CYP4F2: variants seen among roughly 807,000 people sequenced by gnomAD.
CYP4F2 encodes cytochrome P450 4F2.
Under a neutral mutation model 58.9 loss-of-function variants are expected in CYP4F2, and 58 were observed. The observed-to-expected ratio is 0.98, with a 90% CI of 0.80 to 1.23. The LOEUF (loss-of-function observed/expected upper bound fraction) is 1.23. Among genes scored for constraint, CYP4F2 ranks in the 50% most tolerant of loss-of-function variants. The probability of loss-of-function intolerance (pLI) is 0.00; values close to 1 mark genes in which losing one functional copy is unlikely to be tolerated. For missense variants in CYP4F2, 616 were observed against 685.6 expected (o/e 0.90, Z 1.13); for synonymous variants, 287 against 261.1 (o/e 1.10, Z -0.95).
chr19:15,885,848 T>C, intron 9 of CYP4F2, 76 bp downstream of exon 9: 1 of 1,545,672 alleles, frequency 6.5e-7, no homozygotes, highest in Non-Finnish European at 8.7e-7. Flanking sequence ...CAAAAACAGC[T>C]TTTCCTCCCC....
chr19:15,879,061 T>A (rs3093199), intron 12 of CYP4F2, 125 bp from the exon 13 acceptor site: 468,128 of 1,420,656 alleles, frequency 0.33, 74,047 homozygotes, highest in South Asian at 0.39. Context: ...GAAGGGGGTA[T>A]CCGTGCCTGG....
rs2089396985 is a variant in CYP4F2 at position 15,888,574 on chromosome 19, A to G, written c.918+849T>C. Among the ~76,000 whole-genome samples the G allele has an allele frequency of 2.0e-5, 3 of 152,220 alleles. No homozygotes were observed. The East Asian group carries it at 5.8e-4, about 29-fold the overall frequency. Reference sequence around the variant, plus strand: ...GACTTAGAAACACAGACACACAAGTACACATAAACATAGACATAGACACAG... The same window carrying G: ...GACTTAGAAACACAGACACACAAGTGCACATAAACATAGACATAGACACAG... On this transcript the variant is annotated intron_variant, in intron 7 of 12. Transcript: ENST00000221700.
chr19:15,878,424 T>C lies in CYP4F2; in HGVS notation c.*347A>G. On this transcript the variant is annotated 3_prime_UTR_variant, in exon 13 of 13. Transcript: ENST00000221700. ...ACCTTTTGCATCTGACGTCTTTCAT[T>C]CAGTATCATGCATTCAAGGTTCATC... The C allele has an allele frequency of 3.8e-6, 1 of 260,668 alleles. No individual in the cohort carries two copies. Among genetic ancestry groups the C allele is most frequent in the Non-Finnish European group, 7.3e-6 (1 of 136,904 alleles). The allele number at this position is 260,668 out of a possible 1,614,324, so 16.1% of individuals were successfully genotyped here.
intron 9 of CYP4F2, among the ~76,000 whole-genome samples, chr19:15,881,140 T>TA (rs1426017173): frequency 1.3e-5 from 2 of 152,074 alleles, no homozygotes; most frequent in Non-Finnish European, 2.9e-5. Flanking sequence ...AAGGAGGAAA[T>TA]AGGGATCACT....
chr19:15,897,642 T>G, intron 1 of CYP4F2, 30 bp from the exon 2 acceptor site: 1 of 1,610,882 alleles, frequency 6.2e-7, no homozygotes, highest in South Asian at 1.1e-5. Flanking sequence ...GACGGTGAGA[T>G]CCTGAGGCCC....
At position 15,895,490 on chromosome 19, in the gene CYP4F2, C is replaced by T. The variant is rs780736934; in HGVS notation, c.343+16G>A. 2.0e-6 allele frequency: 3 copies of T among 1,486,898 alleles called. No individual in the cohort carries two copies. The Admixed American group carries it at 8.4e-5, about 42-fold the overall frequency. 92.1% of individuals were successfully genotyped at this position (1,486,898 alleles called of 1,614,324 possible). A position where few individuals can be genotyped will look rare whatever the true frequency, so the allele number is the denominator to read the frequency against. On this transcript the variant is annotated intron_variant, in intron 3 of 12. Transcript: ENST00000221700. ...GGCCTCAAATGCACTGCCCCACCAG[C>T]TGTTCCAGATGGTACCTGAGGCGTT...
Position 15,878,934 on chromosome 19 carries a change from T to C in CYP4F2, c.1400A>G (p.Asn467Ser). 6.2e-7 allele frequency: 1 copy of C among 1,613,100 alleles called. No homozygotes were observed. The stretch of plus-strand genomic sequence containing the variant: ...CATCGCGAACGTCTGCCCGATGCAG[T>C]TCCTAGGGGAGGGAGGTGGGAACTC... ...AFIPFSAGPRNCIGQTFAMAE... is the reference protein window; with the variant it reads ...AFIPFSAGPRSCIGQTFAMAE... The change falls in exon 13 of 13, where the codon AAC (asparagine) becomes AGC (serine). Residue 467 changes from asparagine (N) to serine (S), a missense_variant and splice_region_variant. Transcript: ENST00000221700.
In CYP4F2 at chr19:15,878,915, G is replaced by C. The variant is rs763963721; in HGVS notation, c.1419C>G (p.Phe473Leu). ...GGACCACCTTCATCTCCGCCATCGC[G>C]AACGTCTGCCCGATGCAGTTCCTAG... is the stretch of plus-strand genomic sequence containing the variant. ...AGPRNCIGQT[F>L]AMAEMKVVLA... Residue 473 changes from phenylalanine (F) to leucine (L), a missense_variant, in exon 13 of 13, where the codon TTC (phenylalanine) becomes TTG (leucine). By Grantham distance (22) the Phe-to-Leu change is conservative (BLOSUM62 0). Transcript: ENST00000221700. The C allele has an allele frequency of 6.2e-7, 1 of 1,613,884 alleles. No individual in the cohort carries two copies.
intron 5 of CYP4F2, among the ~76,000 whole-genome samples, chr19:15,891,604 G>A (rs1335373068): frequency 1.3e-5 from 2 of 152,142 alleles, no homozygotes; most frequent in East Asian, 3.9e-4. Context: ...CTTTGATTCT[G>A]TGTTGGACTT....
intron 5 of CYP4F2, among the ~76,000 whole-genome samples, chr19:15,891,105 C>T (rs1201967218): frequency 6.6e-6 from 1 of 152,180 alleles, no homozygotes; most frequent in Non-Finnish European, 1.5e-5. Context: ...ATGCAAGACA[C>T]TGATGTCCTT....
intron 9 of CYP4F2, among the ~76,000 whole-genome samples, chr19:15,880,308 T>C (rs1180562137): frequency 6.6e-6 from 1 of 151,848 alleles, no homozygotes; most frequent in Non-Finnish European, 1.5e-5. Context: ...TGAAAGGCAA[T>C]ATTTTGCAAC....
At position 15,891,038 on chromosome 19, in the gene CYP4F2, T is replaced by A. The variant is rs115540722; in HGVS notation, c.526-605A>T. On this transcript the variant is annotated intron_variant, in intron 5 of 12. Transcript: ENST00000221700. ...TAAATTGATTTCAAAAATATCCCTGTTTTGGGGGAGGTAGTCCTTCGTTGA... is the reference window on the plus strand; with the variant it reads ...TAAATTGATTTCAAAAATATCCCTGATTTGGGGGAGGTAGTCCTTCGTTGA... 4.4e-3 allele frequency among the ~76,000 whole-genome samples: 672 copies of A among 152,246 alleles called. 6 individuals carry two copies. Among genetic ancestry groups the A allele is most frequent in the African/African-American group, 0.016 (647 of 41,540 alleles).
At chr19:15,884,611 A>T (rs969732186) in intron 9 of CYP4F2, among the ~76,000 whole-genome samples, 1 of 152,216 alleles carries the variant, frequency 6.6e-6, no homozygotes, top group South Asian at 2.1e-4. Flanking sequence ...ATGTGCATCT[A>T]TTTATGCAGC....
In CYP4F2 at chr19:15,897,452, G is replaced by C. The variant is rs1204235157; in HGVS notation, c.160C>G (p.Pro54Ala). ...NCRRLRCFPQ[P>A]PRRNWFWGHQ... ...CCCCAAAACCAGTTCCGTCTTGGGG[G>C]TTGTGGGAAACACCGAAGGCGGCGG... Residue 54 changes from proline (P) to alanine (A), a missense_variant, in exon 2 of 13, where the codon CCC becomes GCC. Pro to Ala is a conservative substitution (Grantham distance 27, BLOSUM62 -1). Transcript: ENST00000221700. 6.2e-7 allele frequency: 1 copy of C among 1,613,866 alleles called. No individual in the cohort carries two copies. Among genetic ancestry groups the C allele is most frequent in the African/African-American group, 1.3e-5 (1 of 74,888 alleles).
At position 15,879,830 on chromosome 19, in the gene CYP4F2, C is replaced by T. The variant is rs1356765838; in HGVS notation, c.1183G>A (p.Val395Ile). The T allele has an allele frequency of 1.2e-6, 2 of 1,613,980 alleles. No homozygotes were observed. The highest frequency in any genetic ancestry group is 1.7e-6 in the Non-Finnish European group (2 of 1,180,028). The change falls in exon 10 of 13, where the codon GTC becomes ATC. Residue 395 changes from valine (V) to isoleucine (I), a missense_variant. By Grantham distance (29) the Val-to-Ile change is conservative (BLOSUM62 3). Transcript: ENST00000221700. ...GTGACATGGCGGGAGATGACCGGGA[C>T]TGGGGGATGCAGCCGCAGGCTCTCC... The part of the protein sequence containing the change: ...MKESLRLHPP[V>I]PVISRHVTQD...
rs913946359 is a variant in CYP4F2, at chr19:15,890,493, A to G, written c.526-60T>C. The G allele has an allele frequency of 2.5e-6, 4 of 1,596,830 alleles. No individual in the cohort carries two copies. The Admixed American group carries it at 5.3e-5, about 21-fold the overall frequency. On this transcript the variant is annotated intron_variant, in intron 5 of 12. Coordinates refer to ENST00000221700, the MANE Select transcript of CYP4F2 (RefSeq NM_001082.5). The stretch of plus-strand genomic sequence containing the variant: ...CCTTGCTCCCTTGAGCACCTCTCCA[A>G]CCCCAACTGCCAAGATGGGCTCCCC...
At position 15,881,864 on chromosome 19, in the gene CYP4F2, T is replaced by G. The variant is rs3093191; in HGVS notation, c.1116-1967A>C. Among the ~76,000 whole-genome samples, 405 of 151,608 alleles carry G rather than the reference T, an allele frequency of 2.7e-3. 3 individuals carry two copies. The highest frequency in any genetic ancestry group is 9.3e-3 in the African/African-American group (383 of 41,338). On this transcript the variant is annotated intron_variant, in intron 9 of 12. Coordinates refer to ENST00000221700, the MANE Select transcript of CYP4F2 (RefSeq NM_001082.5). ...ACAACATGAAAGAACCTGGAGGAAC[T>G]TATGCTAAGTGAAGTAAGCTAGGCT...
intron 3 of CYP4F2, among the ~76,000 whole-genome samples, chr19:15,894,437 G>T (rs2089436607): frequency 6.6e-6 from 1 of 152,084 alleles, no homozygotes. Flanking sequence ...CTGAGCTTCT[G>T]GGACTCATCG....
Position 15,898,012 on chromosome 19 carries a change from C to G in CYP4F2, c.-2+14G>C, listed in dbSNP as rs3093095. 2.5e-5 allele frequency: 6 copies of G among 235,786 alleles called. No individual in the cohort carries two copies. Among genetic ancestry groups the G allele is most frequent in the Non-Finnish European group, 4.9e-5 (6 of 121,326 alleles). The allele number at this position is 235,786 out of a possible 1,614,324, so 14.6% of individuals were successfully genotyped here. On this transcript the variant is annotated intron_variant, in intron 1 of 12. Coordinates refer to ENST00000221700, the MANE Select transcript of CYP4F2 (RefSeq NM_001082.5). The stretch of plus-strand genomic sequence containing the variant: ...CCAGGACCCCCCCCAGGCCTGCCAC[C>G]CCCAGCCTGGCACCTTCTGTCAGGA...
Sources: gnomAD v4.1 joint callset for allele counts (sites outside exome capture counted in the v4.1 genomes callset) on GRCh38, gnomAD v4.1.1 for gene constraint, MANE v1.5 for transcripts, NCBI Gene and HGNC (gene_info 2026-07-23, HGNC 2026-07-21) for gene names.